OSTF1: variants seen among roughly 807,000 people sequenced by gnomAD.
OSTF1 encodes the protein osteoclast stimulating factor 1, also known as osteoclast-stimulating factor 1.
A neutral mutation model predicts 37.2 loss-of-function variants in OSTF1; 27 were observed. The observed-to-expected ratio is 0.73, with a 90% CI of 0.54 to 1.00. The LOEUF is 1.00. Among genes scored for constraint, OSTF1 ranks in the 50% least tolerant of loss-of-function variants. The pLI, the probability that OSTF1 is intolerant of heterozygous loss-of-function variation, is 0.00. For synonymous variants in OSTF1, 82 were observed against 89.2 expected, an observed-to-expected ratio of 0.92 and a Z score of 0.46; for missense variants, 232 against 253.8, an observed-to-expected ratio of 0.91 and a Z score of 0.58.
chr9:75,117,363 C>G, intron 1 of OSTF1, 141 bp from the exon 2 acceptor site: 1 of 596,674 alleles, frequency 1.7e-6, no homozygotes, highest in Non-Finnish European at 3.0e-6. Flanking sequence ...TCTCTCTACC[C>G]TTTCCAGCCT....
At chr9:75,145,162 C>CTATCTATCTATCTAT (rs72279666) in intron 9 of OSTF1, among the ~76,000 whole-genome samples, 2 of 144,188 alleles carry the variant, frequency 1.4e-5, no homozygotes, top group Non-Finnish European at 3.0e-5. Flanking sequence ...TATCTATCTA[C>CTATCTATCTATCTAT]CTATCTATCT....
At chr9:75,097,708 T>G (rs1825111956) in intron 1 of OSTF1, among the ~76,000 whole-genome samples, 1 of 151,934 alleles carries the variant, frequency 6.6e-6, no homozygotes, top group Admixed American at 6.6e-5. Context: ...GGGTTGGACA[T>G]GCTTCATTAT....
intron 8 of OSTF1, among the ~76,000 whole-genome samples, chr9:75,138,232 G>A (rs1232560006): frequency 3.3e-5 from 5 of 152,198 alleles, no homozygotes; most frequent in African/African-American, 9.7e-5. Context: ...AGCCTATCAT[G>A]TAGGATGCTT....
At chr9:75,143,850 A>G (rs1409399191) in intron 9 of OSTF1, among the ~76,000 whole-genome samples, 2 of 152,214 alleles carry the variant, frequency 1.3e-5, no homozygotes, top group African/African-American at 4.8e-5. Flanking sequence ...CCATGTGGGA[A>G]AACTGCCTCA....
chr9:75,110,011 A>T (rs2118473240), intron 1 of OSTF1, among the ~76,000 whole-genome samples: 1 of 152,282 alleles, frequency 6.6e-6, no homozygotes, highest in South Asian at 2.1e-4. Flanking sequence ...TCCATTATCA[A>T]CATCCCTCAC....
chr9:75,102,559 G>A (rs1367640811), intron 1 of OSTF1, among the ~76,000 whole-genome samples: 1 of 152,070 alleles, frequency 6.6e-6, no homozygotes, highest in African/African-American at 2.4e-5. Flanking sequence ...TACGGATCTC[G>A]AAAAAGTTTG....
Position 75,088,698 on chromosome 9 carries a change from G to T in OSTF1, c.6G>T (p.Ser2=), listed in dbSNP as rs918802074. Residue 2 remains serine, a synonymous_variant, in exon 1 of 10, where the codon TCG becomes TCT. Coordinates refer to ENST00000346234, the MANE Select transcript of OSTF1 (RefSeq NM_012383.5). ...TTGCAGCTCCAGGAAGCGAGATGTC[G>T]AAGCCGCCACCCAAACCAGTCAAAC... M[S]KPPPKPVKPG... 5.6e-6 allele frequency: 9 copies of T among 1,608,794 alleles called. No individual in the cohort carries two copies. Among genetic ancestry groups the T allele is most frequent in the Non-Finnish European group, 5.9e-6 (7 of 1,177,516 alleles).
Position 75,131,772 on chromosome 9 carries a change from G to A in OSTF1, c.199G>A (p.Ala67Thr), listed in dbSNP as rs1825763756. Residue 67 changes from alanine to threonine, a missense_variant and splice_region_variant, in exon 5 of 10, where the codon GCT becomes ACT. Coordinates refer to ENST00000346234, the MANE Select transcript of OSTF1 (RefSeq NM_012383.5). ...RTGLIPSNYVAEQAESIDNPL... is the reference protein window; with the variant it reads ...RTGLIPSNYVTEQAESIDNPL... ...AACACTTTTTATTTTCAATCTAGTG[G>A]CTGAGCAGGCAGAATCCATTGACAA... 1.9e-6 allele frequency: 3 copies of A among 1,612,958 alleles called. No individual in the cohort carries two copies. In the South Asian group the frequency reaches 3.3e-5, roughly 18 times the overall value.
intron 2 of OSTF1, among the ~76,000 whole-genome samples, chr9:75,119,493 G>A (rs905111384): frequency 4.6e-5 from 7 of 152,216 alleles, no homozygotes; most frequent in African/African-American, 1.7e-4. Context: ...CAGACTGGGT[G>A]ATTTAACCAA....
intron 4 of OSTF1, among the ~76,000 whole-genome samples, chr9:75,131,241 A>G (rs1414967369): frequency 6.6e-6 from 1 of 152,254 alleles, no homozygotes; most frequent in Non-Finnish European, 1.5e-5. Context: ...TACTGATTCT[A>G]GGACAGCAGC....
At chr9:75,146,518 T>C (rs1826027291) in intron 9 of OSTF1, among the ~76,000 whole-genome samples, 165 bp from the exon 10 acceptor site, 1 of 152,176 alleles carries the variant, frequency 6.6e-6, no homozygotes, top group Non-Finnish European at 1.5e-5. Context: ...AGAAACTTAA[T>C]GGTTAGGCTG....
chr9:75,104,593 T>C (rs1825252534), intron 1 of OSTF1, among the ~76,000 whole-genome samples: 1 of 152,130 alleles, frequency 6.6e-6, no homozygotes, highest in South Asian at 2.1e-4. Flanking sequence ...TGGGATATCA[T>C]GTGTGATAAA....
intron 5 of OSTF1, among the ~76,000 whole-genome samples, chr9:75,132,314 G>A (rs985454346): frequency 2.8e-5 from 4 of 142,320 alleles, no homozygotes; most frequent in Non-Finnish European, 6.3e-5. Context: ...GACTAACAGG[G>A]ATGAACCTGG....
At chr9:75,146,072 A>G (rs977308450) in intron 9 of OSTF1, among the ~76,000 whole-genome samples, 3 of 152,202 alleles carry the variant, frequency 2.0e-5, no homozygotes, top group East Asian at 1.9e-4. Context: ...ATCTGTTGCT[A>G]TAGGAATTTG....
Position 75,137,563 on chromosome 9 carries a change from A to G in OSTF1, c.434A>G (p.His145Arg). The G allele has an allele frequency of 6.2e-7, 1 of 1,612,640 alleles. No individual in the cohort carries two copies. The highest frequency in any genetic ancestry group is 8.5e-7 in the Non-Finnish European group (1 of 1,178,620). Residue 145 changes from histidine to arginine, a missense_variant, in exon 8 of 10, where the codon CAT becomes CGT. Coordinates refer to ENST00000346234, the MANE Select transcript of OSTF1 (RefSeq NM_012383.5). ...QQNKLGDTAL[H>R]AAAWKGYADI... is the part of the protein sequence containing the mutation. ...AACAAGTTGGGAGATACAGCTTTGC[A>G]TGCTGCTGCCTGGAAGGGTTATGCA...
chr9:75,126,142 T>C (rs1825658205), intron 2 of OSTF1, among the ~76,000 whole-genome samples: 1 of 152,188 alleles, frequency 6.6e-6, no homozygotes, highest in Non-Finnish European at 1.5e-5. Context: ...CTCGAACGCC[T>C]GTCCTCAAGT....
intron 1 of OSTF1, among the ~76,000 whole-genome samples, chr9:75,109,747 G>A (rs139645016): frequency 6.6e-6 from 1 of 152,262 alleles, no homozygotes; most frequent in Non-Finnish European, 1.5e-5. Flanking sequence ...TGCAACTTAA[G>A]GTCTCAAGGC....
intron 1 of OSTF1, among the ~76,000 whole-genome samples, chr9:75,089,985 T>G: frequency 6.6e-6 from 1 of 152,196 alleles, no homozygotes; most frequent in Non-Finnish European, 1.5e-5. Flanking sequence ...TTGCTGAGAC[T>G]GGCTCTGCCC....
intron 1 of OSTF1, among the ~76,000 whole-genome samples, chr9:75,104,618 G>A (rs1361613042): frequency 6.6e-6 from 1 of 152,182 alleles, no homozygotes; most frequent in African/African-American, 2.4e-5. Context: ...CTAATATACA[G>A]GGTGAGGATT....
Sources: allele counts gnomAD v4.1 joint callset (sites outside exome capture counted in the v4.1 genomes callset), GRCh38; gene constraint gnomAD v4.1.1; transcripts MANE v1.5; gene names NCBI Gene and HGNC (gene_info 2026-07-23, HGNC 2026-07-21).